ROCK1: variants seen among roughly 807,000 people sequenced by gnomAD.
ROCK1 encodes Rho associated coiled-coil containing protein kinase 1.
A neutral mutation model predicts 196.8 loss-of-function variants in ROCK1; 36 were observed. That is an observed-to-expected ratio of 0.18 (90% CI 0.14 to 0.24). The LOEUF is 0.24. Among genes scored for constraint, ROCK1 ranks in the 10% least tolerant of loss-of-function variants. ROCK1 has a pLI of 1.00. For missense variants in ROCK1, 920 were observed against 1,562.0 expected (o/e 0.59, Z 6.93); for synonymous variants, 443 against 515.9 (o/e 0.86, Z 1.91).
At chr18:21,048,265 A>C (rs1209789769) in intron 4 of ROCK1, among the ~76,000 whole-genome samples, 2 of 152,124 alleles carry the variant, frequency 1.3e-5, no homozygotes, top group African/African-American at 2.4e-5. Context: ...TCCACTGAAA[A>C]CCGAAAGACA....
At chr18:21,085,941 C>T (rs1395738743) in intron 1 of ROCK1, among the ~76,000 whole-genome samples, 3 of 152,130 alleles carry the variant, frequency 2.0e-5, no homozygotes, top group African/African-American at 7.2e-5. Flanking sequence ...TGGGTGAACA[C>T]AATCAAAGTT....
intron 1 of ROCK1, among the ~76,000 whole-genome samples, chr18:21,102,264 A>G (rs540405665): frequency 6.6e-6 from 1 of 152,336 alleles, no homozygotes; most frequent in South Asian, 2.1e-4. Context: ...GATACAATCT[A>G]CAGCCTCATA....
intron 31 of ROCK1, among the ~76,000 whole-genome samples, chr18:20,954,532 C>T (rs1452591001): frequency 1.3e-5 from 2 of 152,208 alleles, no homozygotes; most frequent in African/African-American, 4.8e-5. Flanking sequence ...GCTGAGATCA[C>T]GCCACTGCAC....
intron 1 of ROCK1, among the ~76,000 whole-genome samples, chr18:21,080,979 CAG>C (rs1393912128): frequency 6.6e-5 from 10 of 152,046 alleles, no homozygotes; most frequent in African/African-American, 2.2e-4. Context: ...AATAAAAAAA[CAG>C]AGGACATGAA....
chr18:20,998,919 A>G (rs2035696935), intron 16 of ROCK1, among the ~76,000 whole-genome samples: 1 of 152,128 alleles, frequency 6.6e-6, no homozygotes, highest in South Asian at 2.1e-4. Context: ...CTTACCAAAC[A>G]TTTAAAGATG....
chr18:21,042,711 TA>T lies in ROCK1; in HGVS notation c.676-3del. Reference sequence around the variant, plus strand: ...TGTATCACATCGTACCATGCCTTCCTAAAAAGCGCGGCAGGTCAAATTTTGA... The same window carrying T: ...TGTATCACATCGTACCATGCCTTCCTAAAAGCGCGGCAGGTCAAATTTTGA... On this transcript the variant is annotated splice_region_variant and splice_polypyrimidine_tract_variant and intron_variant, in intron 6 of 32. Transcript: ENST00000399799. 1 of 1,592,678 alleles carries T rather than the reference TA, an allele frequency of 6.3e-7. No homozygotes were observed. Among genetic ancestry groups the T allele is most frequent in the Admixed American group, 1.8e-5 (1 of 55,860 alleles).
At chr18:21,092,400 C>T (rs1432909493) in intron 1 of ROCK1, among the ~76,000 whole-genome samples, 2 of 151,766 alleles carry the variant, frequency 1.3e-5, no homozygotes, top group Admixed American at 6.6e-5. Context: ...TGGGCAACAT[C>T]GTTAAGACTT....
At chr18:21,109,198 T>C (rs2036728098) in intron 1 of ROCK1, among the ~76,000 whole-genome samples, 1 of 152,248 alleles carries the variant, frequency 6.6e-6, no homozygotes. Flanking sequence ...TTTCTGTGTA[T>C]ATATGTGAGA....
intron 2 of ROCK1, among the ~76,000 whole-genome samples, chr18:21,063,658 T>C (rs570150274): frequency 6.6e-6 from 1 of 152,332 alleles, no homozygotes; most frequent in Admixed American, 6.5e-5. Context: ...AAATTTACTA[T>C]TCAAAAAGAA....
chr18:20,955,070 A>C lies in ROCK1; in HGVS notation c.3592-26T>G, dbSNP rs750903312. On this transcript the variant is annotated intron_variant, in intron 30 of 32. Coordinates refer to ENST00000399799, the MANE Select transcript of ROCK1 (RefSeq NM_005406.3). ...CTACATTCAGGAATGGTGAAAGGAA[A>C]AGATTTTAAAAATCTTAAGCATTGG... The C allele has an allele frequency of 3.2e-5, 49 of 1,543,902 alleles. No individual in the cohort carries two copies. In the East Asian group the frequency reaches 1.1e-3, roughly 35 times the overall value.
chr18:21,009,593 T>C (rs889485372), intron 13 of ROCK1, among the ~76,000 whole-genome samples: 16 of 152,332 alleles, frequency 1.1e-4, no homozygotes, highest in African/African-American at 3.6e-4. Flanking sequence ...CTAGGTCACA[T>C]AGTAGGCACA....
At chr18:21,033,441 T>C (rs2036027596) in intron 9 of ROCK1, among the ~76,000 whole-genome samples, 1 of 152,148 alleles carries the variant, frequency 6.6e-6, no homozygotes, top group South Asian at 2.1e-4. Flanking sequence ...TGCCCACTTC[T>C]ACCACTGCTA....
At chr18:21,087,132 A>C (rs1409314726) in intron 1 of ROCK1, among the ~76,000 whole-genome samples, 1 of 152,194 alleles carries the variant, frequency 6.6e-6, no homozygotes, top group East Asian at 1.9e-4. Context: ...TTCTATGCCT[A>C]ATTTAATACC....
In ROCK1 at chr18:21,020,216, G is replaced by A. The variant is rs2035902629; in HGVS notation, c.1296C>T (p.Ile432=). ...KSLQESLQKT[I]YKLEEQLHNE... Reference sequence around the variant, plus strand: ...TATGCAGCTGTTCTTCCAGCTTATAGATTGTTTTTTGCAAACTTTCCTGCT... The same window carrying A: ...TATGCAGCTGTTCTTCCAGCTTATAAATTGTTTTTTGCAAACTTTCCTGCT... The change falls in exon 12 of 33, where the codon ATC becomes ATT. Residue 432 remains isoleucine (I), a synonymous_variant. Transcript: ENST00000399799. 2 of 1,592,088 alleles carry A rather than the reference G, an allele frequency of 1.3e-6. No individual in the cohort carries two copies. Among genetic ancestry groups the A allele is most frequent in the South Asian group, 1.1e-5 (1 of 87,196 alleles).
intron 1 of ROCK1, among the ~76,000 whole-genome samples, chr18:21,101,935 T>C (rs544532267): frequency 6.6e-6 from 1 of 152,306 alleles, no homozygotes; most frequent in South Asian, 2.1e-4. Context: ...ATATGGAATT[T>C]ACTTTAAAAT....
intron 12 of ROCK1, among the ~76,000 whole-genome samples, chr18:21,017,045 C>T (rs965022124): frequency 6.6e-6 from 1 of 151,972 alleles, no homozygotes; most frequent in Non-Finnish European, 1.5e-5. Context: ...CACTTCCTTC[C>T]ACTCTTCTCC....
chr18:21,068,433 C>T (rs1255441465), intron 2 of ROCK1, among the ~76,000 whole-genome samples: 1 of 152,138 alleles, frequency 6.6e-6, no homozygotes, highest in South Asian at 2.1e-4. Flanking sequence ...TCTTACTTTT[C>T]GAAACTGTTT....
At chr18:21,038,163 T>C (rs1373830625) in intron 9 of ROCK1, among the ~76,000 whole-genome samples, 1 of 152,134 alleles carries the variant, frequency 6.6e-6, no homozygotes, top group Non-Finnish European at 1.5e-5. Flanking sequence ...ACAAAAAGTG[T>C]TTTGATGTAA....
intron 1 of ROCK1, among the ~76,000 whole-genome samples, chr18:21,087,606 T>G (rs1311282477): frequency 6.8e-6 from 1 of 146,836 alleles, no homozygotes; most frequent in Non-Finnish European, 1.5e-5. Context: ...CACAAAAGAG[T>G]CAATCCACCA....
Sources: gnomAD v4.1 joint callset for allele counts (sites outside exome capture counted in the v4.1 genomes callset) on GRCh38, gnomAD v4.1.1 for gene constraint, MANE v1.5 for transcripts, NCBI Gene and HGNC (gene_info 2026-07-23, HGNC 2026-07-21) for gene names.